The following FAM178B variants were observed in gnomAD, a reference collection of about 807,000 sequenced individuals.
The protein encoded by FAM178B is protein FAM178B.
FAM178B carries 82 observed loss-of-function variants against 91.7 expected under a neutral mutation model. That is an observed-to-expected ratio of 0.89 (90% CI 0.75 to 1.07). The LOEUF (loss-of-function observed/expected upper bound fraction) is 1.07, where lower values mean the gene tolerates loss of function less well. Among genes scored for constraint, FAM178B ranks in the 50% least tolerant of loss-of-function variants. The pLI, the probability that FAM178B is intolerant of heterozygous loss-of-function variation, is 0.00. For missense variants in FAM178B, 769 were observed against 846.7 expected, an observed-to-expected ratio of 0.91 and a Z score of 1.14; for synonymous variants, 368 against 359.4, an observed-to-expected ratio of 1.02 and a Z score of -0.27.
At chr2:96,930,134 T>C (rs2153371668) in intron 8 of FAM178B, among the ~76,000 whole-genome samples, 1 of 134,600 alleles carries the variant, frequency 7.4e-6, no homozygotes, top group Non-Finnish European at 1.5e-5. Context: ...GAGGTGGAGG[T>C]TGTAATGAGC....
At position 96,880,040 on chromosome 2, in the gene FAM178B, A is replaced by G. The variant is rs1157744759; in HGVS notation, c.1777-1547T>C. On this transcript the variant is annotated intron_variant, in intron 14 of 16. Transcript: ENST00000490605. ...TATACCTTGACTGAGACATGGTGACATGAAACAAACTCAGACATGAGAGGG... is the reference window on the plus strand; with the variant it reads ...TATACCTTGACTGAGACATGGTGACGTGAAACAAACTCAGACATGAGAGGG... Among the ~76,000 whole-genome samples, 6 of 152,266 alleles carry G rather than the reference A, an allele frequency of 3.9e-5. 1 individual carries two copies. In the East Asian group the frequency reaches 9.6e-4, roughly 24 times the overall value.
chr2:96,975,890 G>T (rs2082281593), intron 1 of FAM178B, among the ~76,000 whole-genome samples: 1 of 151,218 alleles, frequency 6.6e-6, no homozygotes, highest in Non-Finnish European at 1.5e-5. Context: ...TGGGAATACA[G>T]GCATGAACCA....
chr2:96,880,755 C>T (rs535783663), intron 14 of FAM178B, among the ~76,000 whole-genome samples: 22 of 152,310 alleles, frequency 1.4e-4, no homozygotes, highest in Admixed American at 6.5e-5. Context: ...CCACCGTGCC[C>T]GGAGAATTTT....
intron 13 of FAM178B, among the ~76,000 whole-genome samples, 165 bp downstream of exon 13, chr2:96,902,455 G>A (rs1036871710): frequency 5.9e-5 from 9 of 152,206 alleles, no homozygotes; most frequent in Non-Finnish European, 1.3e-4. Flanking sequence ...TGTCCTCAGC[G>A]CCTAGCACAT....
At chr2:96,892,748 C>A (rs1240915113) in intron 14 of FAM178B, among the ~76,000 whole-genome samples, 2 of 152,190 alleles carry the variant, frequency 1.3e-5, no homozygotes, top group East Asian at 3.9e-4. Flanking sequence ...TCTCACCACT[C>A]GCCTTCTTGT....
At chr2:96,894,108 T>C in intron 13 of FAM178B, 57 bp from the exon 14 acceptor site, 1 of 1,551,550 alleles carries the variant, frequency 6.4e-7, no homozygotes, top group Non-Finnish European at 8.7e-7. Context: ...GAGCTCAGGG[T>C]GCTCCCGGGA....
chr2:96,959,698 A>G (rs1223254414), intron 6 of FAM178B, among the ~76,000 whole-genome samples: 1 of 152,200 alleles, frequency 6.6e-6, no homozygotes, highest in Non-Finnish European at 1.5e-5. Context: ...TGGATATATT[A>G]GCTCATAATT....
At position 96,948,795 on chromosome 2, in the gene FAM178B, C is replaced by T. The variant is rs150215012; in HGVS notation, c.994-893G>A. Among the ~76,000 whole-genome samples the T allele has an allele frequency of 2.9e-3, 442 of 152,300 alleles. 1 individual carries two copies. The highest frequency in any genetic ancestry group is 6.2e-3 in the South Asian group (30 of 4,828). On this transcript the variant is annotated intron_variant, in intron 7 of 16. Coordinates refer to ENST00000490605, the MANE Select transcript of FAM178B (RefSeq NM_001122646.3). ...GGGAGCACCTAGTGCAAGGTCACAG[C>T]CCTCACCAAGTGTCTGCGTCTGATA... is the stretch of plus-strand genomic sequence containing the variant.
intron 5 of FAM178B, among the ~76,000 whole-genome samples, chr2:96,966,156 C>G (rs1319262509): frequency 6.6e-6 from 1 of 152,116 alleles, no homozygotes; most frequent in Non-Finnish European, 1.5e-5. Flanking sequence ...CACCAGCCCC[C>G]TCCTCCAGGC....
chr2:96,957,026 T>G, intron 6 of FAM178B, among the ~76,000 whole-genome samples: 1 of 151,908 alleles, frequency 6.6e-6, no homozygotes, highest in Non-Finnish European at 1.5e-5. Context: ...ATGGCTCATT[T>G]TTTTTTTGCA....
chr2:96,948,479 T>C (rs2153373152), intron 7 of FAM178B, among the ~76,000 whole-genome samples: 1 of 152,314 alleles, frequency 6.6e-6, no homozygotes, highest in East Asian at 1.9e-4. Flanking sequence ...TCCTGGAGCC[T>C]GACAGTCAGA....
intron 1 of FAM178B, among the ~76,000 whole-genome samples, chr2:96,979,566 T>C (rs1214118612): frequency 3.9e-5 from 6 of 152,204 alleles, no homozygotes; most frequent in Non-Finnish European, 8.8e-5. Context: ...ATAACTTTGC[T>C]ATTGTGACTA....
intron 14 of FAM178B, among the ~76,000 whole-genome samples, chr2:96,884,856 G>C (rs961335079): frequency 7.9e-5 from 12 of 152,352 alleles, no homozygotes; most frequent in African/African-American, 2.9e-4. Flanking sequence ...AGCTGACTTG[G>C]GAAGTGACTC....
Position 96,894,044 on chromosome 2 carries a change from G to A in FAM178B, c.1658C>T (p.Ser553Leu), listed in dbSNP as rs774250251. Reference sequence around the variant, plus strand: ...CATGAGGCCCAGGAGCCGGCTGAGCGAGGACAGCTGGGGAGGAGAAGGGAG... The same window carrying A: ...CATGAGGCCCAGGAGCCGGCTGAGCAAGGACAGCTGGGGAGGAGAAGGGAG... ...PLWQEKTQLS[S>L]LSRLLGLMRP... Residue 553 changes from serine to leucine, a missense_variant, in exon 14 of 17, where the codon TCG (serine) becomes TTG (leucine). Physicochemically the swap from Ser to Leu is moderately radical, Grantham distance 145. Coordinates refer to ENST00000490605, the MANE Select transcript of FAM178B (RefSeq NM_001122646.3). 3.2e-5 allele frequency: 52 copies of A among 1,608,688 alleles called. No homozygotes were observed. The highest frequency in any genetic ancestry group is 4.0e-5 in the Non-Finnish European group (47 of 1,178,280).
intron 7 of FAM178B, among the ~76,000 whole-genome samples, chr2:96,948,750 C>T (rs1368043293): frequency 6.6e-6 from 1 of 152,220 alleles, no homozygotes; most frequent in East Asian, 1.9e-4. Flanking sequence ...CCAGGACCCT[C>T]TCTGAGCCTT....
chr2:96,881,723 AATTGAAT>A (rs2080390306), intron 14 of FAM178B, among the ~76,000 whole-genome samples: 1 of 123,438 alleles, frequency 8.1e-6, no homozygotes, highest in Non-Finnish European at 1.6e-5. Context: ...TAATTCCCAT[AATTGAAT>A]CTGCAGGGGG....
intron 6 of FAM178B, among the ~76,000 whole-genome samples, chr2:96,956,523 G>A (rs2082001971): frequency 6.6e-6 from 1 of 152,210 alleles, no homozygotes; most frequent in Admixed American, 6.5e-5. Context: ...TTTGTTCAGA[G>A]GGAAGAAAGA....
At chr2:96,907,956 G>A (rs977026076) in intron 12 of FAM178B, among the ~76,000 whole-genome samples, 3 of 152,254 alleles carry the variant, frequency 2.0e-5, no homozygotes, top group African/African-American at 7.2e-5. Context: ...GCAGTGGCCT[G>A]TTCCACCGTG....
intron 1 of FAM178B, among the ~76,000 whole-genome samples, chr2:96,976,331 G>A (rs963033712): frequency 6.7e-6 from 1 of 149,784 alleles, no homozygotes; most frequent in African/African-American, 2.5e-5. Flanking sequence ...CTGACCTCAT[G>A]ATCCACCTGC....
Sources: allele counts gnomAD v4.1 joint callset (sites outside exome capture counted in the v4.1 genomes callset), GRCh38; gene constraint gnomAD v4.1.1; transcripts MANE v1.5; gene names NCBI Gene and HGNC (gene_info 2026-07-23, HGNC 2026-07-21).